ALPL: variants seen among roughly 807,000 people sequenced by gnomAD.
ALPL encodes the protein alkaline phosphatase, biomineralization associated, also known as alkaline phosphatase, tissue-nonspecific isozyme.
Under a neutral mutation model 51.3 loss-of-function variants are expected in ALPL, and 42 were observed. The ratio of observed to expected loss-of-function variants is 0.82; its 90% CI spans 0.64 to 1.06. The LOEUF (loss-of-function observed/expected upper bound fraction) is 1.06. Ranked by LOEUF, ALPL falls within the 50% of genes least tolerant of loss-of-function variation. The pLI, the probability that ALPL is intolerant of heterozygous loss-of-function variation, is 0.00. For missense variants in ALPL, 589 were observed against 709.4 expected (o/e 0.83, Z 1.93); for synonymous variants, 279 against 296.4 (o/e 0.94, Z 0.60).
intron 4 of ALPL, among the ~76,000 whole-genome samples, chr1:21,562,048 C>T (rs1031977349): frequency 3.7e-4 from 57 of 152,102 alleles, no homozygotes; most frequent in African/African-American, 1.3e-3. Flanking sequence ...ATAGGCATAC[C>T]TCAGCTATAC....
chr1:21,526,947 G>A (rs1022187963), intron 1 of ALPL, among the ~76,000 whole-genome samples: 18 of 151,990 alleles, frequency 1.2e-4, no homozygotes, highest in African/African-American at 4.1e-4. Flanking sequence ...CCCCCATGAT[G>A]TCACATGAAA....
chr1:21,574,279 G>C, intron 9 of ALPL: 1 of 886,532 alleles, frequency 1.1e-6, no homozygotes, highest in Non-Finnish European at 1.4e-6. Context: ...CTTCTGTTAT[G>C]TGAAGCCAAA....
chr1:21,517,245 A>T (rs1288261997), intron 1 of ALPL, among the ~76,000 whole-genome samples: 6 of 152,256 alleles, frequency 3.9e-5, no homozygotes, highest in African/African-American at 1.4e-4. Flanking sequence ...TCTGTGTCAG[A>T]AACTGAGCTA....
chr1:21,572,792 CCTT>C (rs1644668035), intron 8 of ALPL, among the ~76,000 whole-genome samples: 1 of 152,184 alleles, frequency 6.6e-6, no homozygotes, highest in South Asian at 2.1e-4. Flanking sequence ...GGATCATTCT[CCTT>C]ATGTCACAAG....
intron 1 of ALPL, among the ~76,000 whole-genome samples, chr1:21,524,606 C>T (rs150405378): frequency 2.6e-5 from 4 of 152,322 alleles, no homozygotes; most frequent in East Asian, 1.9e-4. Context: ...GGAACCCGGG[C>T]AGCCTTGCTC....
intron 1 of ALPL, among the ~76,000 whole-genome samples, chr1:21,540,697 C>T (rs1397496691): frequency 1.6e-4 from 24 of 152,216 alleles, no homozygotes. Flanking sequence ...ACATTCCTGC[C>T]TCCTTGCCTT....
At chr1:21,551,134 C>G (rs1361488686) in intron 1 of ALPL, 6 of 152,182 alleles carry the variant, frequency 3.9e-5, no homozygotes, top group Admixed American at 1.3e-4. Flanking sequence ...CTTGGACTTT[C>G]CTGCACACAC....
At chr1:21,557,735 C>CT (rs1173245137) in intron 2 of ALPL, among the ~76,000 whole-genome samples, 3 of 152,076 alleles carry the variant, frequency 2.0e-5, no homozygotes, top group African/African-American at 4.8e-5. Context: ...CTTCAGCCTT[C>CT]TTTTTTTTCT....
intron 1 of ALPL, among the ~76,000 whole-genome samples, chr1:21,511,061 T>C (rs1372823862): frequency 6.6e-6 from 1 of 152,236 alleles, no homozygotes; most frequent in Admixed American, 6.5e-5. Flanking sequence ...AACAAGATGC[T>C]ATCTTCATTC....
intron 1 of ALPL, among the ~76,000 whole-genome samples, chr1:21,538,035 T>C (rs1644132868): frequency 6.6e-6 from 1 of 152,164 alleles, no homozygotes; most frequent in South Asian, 2.1e-4. Context: ...GTAAAGTGCT[T>C]AGAGCAGTGC....
chr1:21,577,603 C>T lies in ALPL; in HGVS notation c.1530C>T (p.Pro510=), dbSNP rs910417540. Residue 510 remains proline, a synonymous_variant, in exon 12 of 12, where the codon CCC becomes CCT. Transcript: ENST00000374840. ...CGGCAGGCAGCCTTGCTGCAGGCCC[C>T]CTGCTGCTCGCGCTGGCCCTCTACC... ...ASSAGSLAAG[P]LLLALALYPL... is the part of the protein sequence containing the mutation. The T allele has an allele frequency of 6.2e-7, 1 of 1,600,722 alleles. No homozygotes were observed. The highest frequency in any genetic ancestry group is 1.3e-5 in the African/African-American group (1 of 74,918).
intron 1 of ALPL, among the ~76,000 whole-genome samples, chr1:21,518,219 G>A (rs978903574): frequency 6.6e-5 from 10 of 152,078 alleles, no homozygotes; most frequent in African/African-American, 2.2e-4. Context: ...TGACGAGAAA[G>A]AGGCTGGTTT....
intron 1 of ALPL, among the ~76,000 whole-genome samples, chr1:21,534,958 C>T (rs1474586105): frequency 1.3e-5 from 2 of 152,148 alleles, no homozygotes; most frequent in Non-Finnish European, 2.9e-5. Flanking sequence ...TCTTTTTCCC[C>T]GCTGTACTTA....
At chr1:21,530,219 C>G (rs983490258) in intron 1 of ALPL, among the ~76,000 whole-genome samples, 1 of 152,086 alleles carries the variant, frequency 6.6e-6, no homozygotes, top group African/African-American at 2.4e-5. Context: ...CAAATCAGTC[C>G]CAAATACTGA....
chr1:21,510,325 G>A (rs932274623), intron 1 of ALPL, among the ~76,000 whole-genome samples: 16 of 152,162 alleles, frequency 1.1e-4, no homozygotes, highest in African/African-American at 3.6e-4. Flanking sequence ...CACATAATGG[G>A]GTCGAAGGCG....
At chr1:21,554,868 TC>T in intron 2 of ALPL, among the ~76,000 whole-genome samples, 1 of 126,696 alleles carries the variant, frequency 7.9e-6, no homozygotes, top group Non-Finnish European at 1.7e-5. Context: ...TTTCTTTCTT[TC>T]TTTCTCTCTT....
At chr1:21,570,404 A>G in intron 8 of ALPL, 30 bp downstream of exon 8, 6 of 1,609,494 alleles carry the variant, frequency 3.7e-6, no homozygotes, top group Non-Finnish European at 3.4e-6. Context: ...GGGAGGATGC[A>G]TGGCTCGGAG....
chr1:21,553,996 C>A lies in ALPL; in HGVS notation c.-86C>A. On this transcript the variant is annotated 5_prime_UTR_variant, in exon 2 of 12. Transcript: ENST00000374840. ...TTTCTAGGATTGGAACATCAGTTAA[C>A]ATCTGACCACTGCCAGCCCACCCCC... 1 of 1,103,576 alleles carries A rather than the reference C, an allele frequency of 9.1e-7. No individual in the cohort carries two copies. The highest frequency in any genetic ancestry group is 1.4e-6 in the Non-Finnish European group (1 of 715,846). The allele number at this position is 1,103,576 out of a possible 1,614,324, so 68.4% of individuals were successfully genotyped here.
In ALPL at chr1:21,541,517, G is replaced by A. The variant is rs78735845; in HGVS notation, c.-104-12461G>A. ...ACCTAGCGACATTCCCTGGCCACCC[G>A]GCCTGTGCCGGCCTCTGCCAGCCAC... On this transcript the variant is annotated intron_variant, in intron 1 of 11. Transcript: ENST00000374840. 7.9e-3 allele frequency among the ~76,000 whole-genome samples: 1,199 copies of A among 152,356 alleles called. 21 individuals are homozygous for A. Among genetic ancestry groups the A allele is most frequent in the African/African-American group, 0.028 (1,149 of 41,584 alleles).
Sources: gnomAD v4.1 joint callset for allele counts (sites outside exome capture counted in the v4.1 genomes callset) on GRCh38, gnomAD v4.1.1 for gene constraint, MANE v1.5 for transcripts, NCBI Gene and HGNC (gene_info 2026-07-23, HGNC 2026-07-21) for gene names.